Variants in RAVER2 observed in about 807,000 individuals in gnomAD.
RAVER2 encodes the protein ribonucleoprotein, PTB binding 2, also known as ribonucleoprotein PTB-binding 2.
In RAVER2, 46 loss-of-function variants were observed where a neutral mutation model predicts 78.1. The ratio of observed to expected loss-of-function variants is 0.59; its 90% confidence interval spans 0.46 to 0.75. The LOEUF (loss-of-function observed/expected upper bound fraction) is 0.75, where lower values mean the gene tolerates loss of function less well. Among genes scored for constraint, RAVER2 ranks in the 30% least tolerant of loss-of-function variants. The probability of loss-of-function intolerance (pLI) is 0.00; values close to 1 mark genes in which losing one functional copy is unlikely to be tolerated. For synonymous variants in RAVER2, 311 were observed against 313.3 expected, an observed-to-expected ratio of 0.99 and a Z score of 0.08; for missense variants, 793 against 837.5, an observed-to-expected ratio of 0.95 and a Z score of 0.66.
intron 5 of RAVER2, among the ~76,000 whole-genome samples, chr1:64,796,624 T>G (rs1408318579): frequency 6.6e-6 from 1 of 152,126 alleles, no homozygotes; most frequent in East Asian, 1.9e-4. Context: ...CTCTTTCACA[T>G]TCCTGATATT....
chr1:64,812,220 G>A (rs1441142849), intron 9 of RAVER2, among the ~76,000 whole-genome samples: 1 of 151,976 alleles, frequency 6.6e-6, no homozygotes, highest in Non-Finnish European at 1.5e-5. Flanking sequence ...AAATTAGCCA[G>A]GCATGGAGGT....
At chr1:64,760,504 C>T (rs1440126262) in intron 1 of RAVER2, among the ~76,000 whole-genome samples, 1 of 152,034 alleles carries the variant, frequency 6.6e-6, no homozygotes, top group Non-Finnish European at 1.5e-5. Flanking sequence ...ACAAGATGTA[C>T]CAAGACCTAA....
In RAVER2 at chr1:64,793,904, T is replaced by C. The variant is rs1396966170; in HGVS notation, c.1105+4390T>C. On this transcript the variant is annotated intron_variant, in intron 5 of 11. Transcript: ENST00000294428. ...AGTAGTATTTTTTTCTTTTTATTAC[T>C]GAGTGGTATTTCATTCTATAATTTG... is the stretch of plus-strand genomic sequence containing the variant. Among the ~76,000 whole-genome samples the C allele has an allele frequency of 8.5e-5, 13 of 152,334 alleles. 1 individual carries two copies. Among genetic ancestry groups the C allele is most frequent in the South Asian group, 8.3e-4 (4 of 4,828 alleles).
chr1:64,746,033 G>T (rs917917619), intron 1 of RAVER2, among the ~76,000 whole-genome samples: 5 of 152,256 alleles, frequency 3.3e-5, no homozygotes, highest in African/African-American at 1.2e-4. Flanking sequence ...GCTACGCCAA[G>T]TACAGTACTG....
chr1:64,789,472 G>C, exon 5 of RAVER2: 1 of 1,609,524 alleles, frequency 6.2e-7, no homozygotes, highest in South Asian at 1.1e-5. Flanking sequence ...CATGTTGCAA[G>C]TTCTTCTACA....
intron 11 of RAVER2, among the ~76,000 whole-genome samples, chr1:64,819,898 CA>C (rs1211292355): frequency 6.6e-6 from 1 of 152,088 alleles, no homozygotes; most frequent in Non-Finnish European, 1.5e-5. Context: ...TTGCCCCCAC[CA>C]ACACACACAC....
chr1:64,819,829 G>A (rs936067733), intron 11 of RAVER2, among the ~76,000 whole-genome samples: 2 of 152,156 alleles, frequency 1.3e-5, no homozygotes, highest in Non-Finnish European at 2.9e-5. Context: ...TCTTAAGTGG[G>A]AAGGGCTATT....
intron 2 of RAVER2, among the ~76,000 whole-genome samples, chr1:64,776,125 T>TA (rs1652456558): frequency 6.6e-6 from 1 of 152,134 alleles, no homozygotes. Context: ...TATGGGCTGA[T>TA]ACGAGAATAT....
intron 11 of RAVER2, among the ~76,000 whole-genome samples, chr1:64,818,393 G>A (rs932635638): frequency 2.0e-5 from 3 of 151,998 alleles, no homozygotes; most frequent in Non-Finnish European, 2.9e-5. Context: ...AAAATTAGCC[G>A]GGCGTGGTGG....
rs138741066 is a variant in RAVER2 at position 64,775,728 on chromosome 1, G to T, written c.317-1895G>T. 1.2e-4 allele frequency among the ~76,000 whole-genome samples: 18 copies of T among 152,228 alleles called. No individual in the cohort carries two copies. In the East Asian group the frequency reaches 1.7e-3, roughly 15 times the overall value. ...AATCAAGAAAGAGTACATCAAGAAA[G>T]TTAAGAAAGGCCTGGTGCAGTGGCT... On this transcript the variant is annotated intron_variant, in intron 2 of 11. Coordinates refer to ENST00000294428, the Ensembl canonical transcript of RAVER2.
At chr1:64,763,317 G>A (rs943992675) in intron 1 of RAVER2, among the ~76,000 whole-genome samples, 9 of 152,034 alleles carry the variant, frequency 5.9e-5, no homozygotes, top group African/African-American at 2.2e-4. Flanking sequence ...AAAATTCTAC[G>A]AGTTAATAAA....
chr1:64,806,849 T>G (rs921793188), intron 8 of RAVER2, among the ~76,000 whole-genome samples: 1 of 152,166 alleles, frequency 6.6e-6, no homozygotes, highest in Non-Finnish European at 1.5e-5. Context: ...TTGCAATGAC[T>G]GGGCATAAAA....
intron 1 of RAVER2, among the ~76,000 whole-genome samples, chr1:64,763,332 A>G (rs1225009887): frequency 1.3e-5 from 2 of 152,186 alleles, no homozygotes; most frequent in African/African-American, 4.8e-5. Context: ...AATAAAAAAG[A>G]TAACCCAGTT....
intron 5 of RAVER2, among the ~76,000 whole-genome samples, chr1:64,802,060 A>G (rs532264759): frequency 2.0e-5 from 3 of 152,352 alleles, no homozygotes; most frequent in Admixed American, 1.3e-4. Context: ...TTTAGACCAT[A>G]TAGGGTAACT....
intron 9 of RAVER2, among the ~76,000 whole-genome samples, chr1:64,809,361 G>A (rs1234476849): frequency 6.6e-6 from 1 of 152,124 alleles, no homozygotes; most frequent in Non-Finnish European, 1.5e-5. Context: ...TTCTAATTGT[G>A]AGATTTTAGA....
intron 2 of RAVER2, among the ~76,000 whole-genome samples, chr1:64,771,409 T>C (rs1570540611): frequency 6.6e-6 from 1 of 152,024 alleles, no homozygotes; most frequent in Non-Finnish European, 1.5e-5. Flanking sequence ...ACTTGCACTA[T>C]AAGAAATACT....
chr1:64,814,156 A>T (rs918988824), intron 10 of RAVER2, among the ~76,000 whole-genome samples: 5 of 152,050 alleles, frequency 3.3e-5, no homozygotes, highest in Non-Finnish European at 5.9e-5. Context: ...GTGCAGTGGC[A>T]TCATCTCGGC....
intron 5 of RAVER2, among the ~76,000 whole-genome samples, chr1:64,796,560 GT>G (rs1411504474): frequency 4.6e-5 from 7 of 152,004 alleles, no homozygotes; most frequent in African/African-American, 1.7e-4. Flanking sequence ...GCATAACATT[GT>G]TCATAGTATT....
chr1:64,766,216 A>G (rs528921418), intron 1 of RAVER2, among the ~76,000 whole-genome samples: 1 of 152,348 alleles, frequency 6.6e-6, no homozygotes, highest in East Asian at 1.9e-4. Context: ...TGTTTTCATC[A>G]AAGGTGCTAC....
Sources: gnomAD v4.1 joint callset for allele counts (sites outside exome capture counted in the v4.1 genomes callset) on GRCh38, gnomAD v4.1.1 for gene constraint, MANE v1.5 for transcripts, NCBI Gene and HGNC (gene_info 2026-07-23, HGNC 2026-07-21) for gene names.